THADA: variants seen among roughly 807,000 people sequenced by gnomAD.
The protein encoded by THADA is tRNA (32-2'-O)-methyltransferase regulator THADA.
A neutral mutation model predicts 219.8 loss-of-function variants in THADA; 213 were observed. The observed-to-expected ratio is 0.97, with a 90% CI of 0.87 to 1.09. THADA has a LOEUF of 1.09. Among genes scored for constraint, THADA ranks in the 50% least tolerant of loss-of-function variants. THADA has a pLI of 0.00. For missense variants in THADA, 2,956 were observed against 2,311.3 expected (o/e 1.28, Z -5.72); for synonymous variants, 1,018 against 828.9 (o/e 1.23, Z -3.92).
chr2:43,263,605 C>T (rs1031566563), intron 36 of THADA, among the ~76,000 whole-genome samples: 1 of 152,216 alleles, frequency 6.6e-6, no homozygotes. Context: ...AAGTGACAGT[C>T]TGTTTCTCTC....
At position 43,469,777 on chromosome 2, in the gene THADA, G is replaced by A. The variant is rs529349041; in HGVS notation, c.3836+15457C>T. ...ATGTAATGCTCAATGATAAGTAGGT[G>A]GTTAAAACAAAAAAAGTTTCTTAGA... On this transcript the variant is annotated intron_variant, in intron 26 of 37. Coordinates refer to ENST00000405975, the MANE Select transcript of THADA (RefSeq NM_022065.5). Among the ~76,000 whole-genome samples, 142 of 152,128 alleles carry A rather than the reference G, an allele frequency of 9.3e-4. 1 individual carries two copies. The highest frequency in any genetic ancestry group is 3.2e-3 in the African/African-American group (133 of 41,504).
intron 31 of THADA, among the ~76,000 whole-genome samples, chr2:43,299,527 T>C (rs955565536): frequency 2.0e-5 from 3 of 151,674 alleles, no homozygotes; most frequent in Admixed American, 1.3e-4. Context: ...CTGGGCGTGA[T>C]GGTGGGCACC....
At chr2:43,447,227 A>T (rs549492727) in intron 26 of THADA, among the ~76,000 whole-genome samples, 27 of 152,144 alleles carry the variant, frequency 1.8e-4, no homozygotes, top group Admixed American at 4.6e-4. Flanking sequence ...CCTACGATGC[A>T]TGGGGATTAA....
At chr2:43,248,683 T>A (rs907637496) in intron 36 of THADA, among the ~76,000 whole-genome samples, 1 of 152,096 alleles carries the variant, frequency 6.6e-6, no homozygotes, top group Non-Finnish European at 1.5e-5. Context: ...AATATTGAAA[T>A]CAAAACACAT....
At chr2:43,545,080 T>A (rs1208375311) in intron 20 of THADA, among the ~76,000 whole-genome samples, 10 of 152,214 alleles carry the variant, frequency 6.6e-5, no homozygotes, top group Non-Finnish European at 1.0e-4. Flanking sequence ...GTTTTTAGCA[T>A]GAAGCGTTGT....
chr2:43,400,438 G>C (rs949034624), intron 28 of THADA, among the ~76,000 whole-genome samples: 3 of 118,988 alleles, frequency 2.5e-5, no homozygotes, highest in African/African-American at 9.7e-5. Flanking sequence ...TAGGTGGAAA[G>C]ATTAGATCAT....
chr2:43,465,484 G>A (rs1684126425), intron 26 of THADA, among the ~76,000 whole-genome samples: 1 of 152,168 alleles, frequency 6.6e-6, no homozygotes, highest in Non-Finnish European at 1.5e-5. Flanking sequence ...TTCTTGGGAG[G>A]AAGAGCCCAC....
At chr2:43,335,697 G>C (rs1666333510) in intron 30 of THADA, among the ~76,000 whole-genome samples, 1 of 151,284 alleles carries the variant, frequency 6.6e-6, no homozygotes. Context: ...GGTGGCTCAT[G>C]TCTGTAATGC....
chr2:43,405,740 A>G (rs1374167389), intron 28 of THADA, among the ~76,000 whole-genome samples: 2 of 152,234 alleles, frequency 1.3e-5, no homozygotes, highest in Non-Finnish European at 2.9e-5. Flanking sequence ...AGCTGTAGAC[A>G]GTAGCTAAGC....
intron 26 of THADA, among the ~76,000 whole-genome samples, chr2:43,452,297 G>A (rs1425447773): frequency 6.6e-6 from 1 of 151,932 alleles, no homozygotes; most frequent in African/African-American, 2.4e-5. Context: ...TGAGGGGGTG[G>A]TGCCAATAGT....
At chr2:43,378,050 G>A (rs1316061278) in intron 29 of THADA, among the ~76,000 whole-genome samples, 4 of 152,188 alleles carry the variant, frequency 2.6e-5, no homozygotes, top group African/African-American at 7.2e-5. Flanking sequence ...AAATATTGCA[G>A]AGGTGATGTT....
intron 21 of THADA, among the ~76,000 whole-genome samples, chr2:43,532,317 G>A (rs570423912): frequency 2.7e-5 from 4 of 150,596 alleles, no homozygotes; most frequent in Admixed American, 1.3e-4. Flanking sequence ...GGAGGCTGAG[G>A]CAGGAGACCC....
At chr2:43,233,071 G>C in intron 36 of THADA, 189 bp from the exon 37 acceptor site, 1 of 625,048 alleles carries the variant, frequency 1.6e-6, no homozygotes, top group Non-Finnish European at 2.8e-6. Context: ...TATACTGTTA[G>C]AATGAGTCAT....
chr2:43,536,451 G>A (rs970757275), intron 21 of THADA, among the ~76,000 whole-genome samples: 15 of 152,068 alleles, frequency 9.9e-5, no homozygotes, highest in Admixed American at 1.3e-4. Context: ...AGATCAAAGT[G>A]AAAGAAAAAT....
chr2:43,422,398 T>C (rs949755704), intron 28 of THADA, among the ~76,000 whole-genome samples: 15 of 152,136 alleles, frequency 9.9e-5, no homozygotes, highest in Non-Finnish European at 2.1e-4. Flanking sequence ...CCTCGACAGA[T>C]ACTAGTTCTT....
chr2:43,326,141 C>G (rs1446863477), intron 30 of THADA, among the ~76,000 whole-genome samples: 1 of 144,934 alleles, frequency 6.9e-6, no homozygotes, highest in Non-Finnish European at 1.5e-5. Flanking sequence ...TATGTAAAAG[C>G]TGTTTCTTGT....
At chr2:43,451,604 AT>A (rs577856444) in intron 26 of THADA, among the ~76,000 whole-genome samples, 4 of 151,980 alleles carry the variant, frequency 2.6e-5, no homozygotes, top group Middle Eastern at 3.4e-3. Context: ...TCTTCTTGCT[AT>A]TTTTTTTAGA....
intron 29 of THADA, among the ~76,000 whole-genome samples, chr2:43,366,842 T>G (rs1427105148): frequency 6.6e-6 from 1 of 152,198 alleles, no homozygotes; most frequent in Non-Finnish European, 1.5e-5. Flanking sequence ...ATGTTCAATG[T>G]ACAGCATTGA....
At chr2:43,490,804 C>T (rs966656090) in intron 25 of THADA, among the ~76,000 whole-genome samples, 1 of 152,088 alleles carries the variant, frequency 6.6e-6, no homozygotes, top group Non-Finnish European at 1.5e-5. Context: ...TAGGAAAAAA[C>T]AGAATCCATA....
Sources: gnomAD v4.1 joint callset for allele counts (sites outside exome capture counted in the v4.1 genomes callset) on GRCh38, gnomAD v4.1.1 for gene constraint, MANE v1.5 for transcripts, NCBI Gene and HGNC (gene_info 2026-07-23, HGNC 2026-07-21) for gene names.